Variants in LRRC4C observed in about 807,000 individuals in gnomAD.
LRRC4C encodes leucine rich repeat containing 4C.
Under a neutral mutation model 33.6 loss-of-function variants are expected in LRRC4C, and 5 were observed. That is an observed-to-expected ratio of 0.15 (90% confidence interval 0.08 to 0.31). The LOEUF is 0.31. LRRC4C is among the 10% of genes least tolerant of loss of function. LRRC4C has a pLI of 1.00. For missense variants in LRRC4C, 560 were observed against 796.7 expected (o/e 0.70, Z 3.58); for synonymous variants, 329 against 302.0 (o/e 1.09, Z -0.93).
chr11:40,319,760 T>C (rs1165107027), intron 3 of LRRC4C, 39 bp from the exon 4 acceptor site: 1 of 152,182 alleles, frequency 6.6e-6, no homozygotes. Flanking sequence ...TTTAAAATCA[T>C]GCTATACAAG....
chr11:40,965,701 G>T (rs1429615794), intron 1 of LRRC4C, among the ~76,000 whole-genome samples: 1 of 152,010 alleles, frequency 6.6e-6, no homozygotes, highest in African/African-American at 2.4e-5. Context: ...TTATTTATGA[G>T]GGTTCTGTTC....
intron 5 of LRRC4C, among the ~76,000 whole-genome samples, chr11:40,165,115 A>G (rs1351413429): frequency 6.6e-6 from 1 of 152,258 alleles, no homozygotes. Flanking sequence ...ATAGCATATG[A>G]AACAAATATG....
intron 5 of LRRC4C, among the ~76,000 whole-genome samples, chr11:40,194,688 G>A (rs978922703): frequency 2.6e-5 from 4 of 152,082 alleles, no homozygotes; most frequent in Non-Finnish European, 5.9e-5. Flanking sequence ...GTTGATGGGT[G>A]CAGCAAACCA....
At chr11:41,231,881 A>G (rs1300966288) in intron 1 of LRRC4C, among the ~76,000 whole-genome samples, 1 of 151,800 alleles carries the variant, frequency 6.6e-6, no homozygotes, top group Non-Finnish European at 1.5e-5. Flanking sequence ...TTTTGAATCC[A>G]TGGGTCTTTT....
intron 1 of LRRC4C, among the ~76,000 whole-genome samples, chr11:41,127,467 T>C (rs893347360): frequency 2.6e-5 from 4 of 152,128 alleles, no homozygotes; most frequent in East Asian, 1.9e-4. Flanking sequence ...GATTTTCTTT[T>C]CTTTTTTCTT....
chr11:40,229,431 T>A (rs1203359845), intron 5 of LRRC4C, among the ~76,000 whole-genome samples: 1 of 151,810 alleles, frequency 6.6e-6, no homozygotes, highest in East Asian at 1.9e-4. Flanking sequence ...TACCACCAGG[T>A]CTGGCTAATT....
chr11:41,061,395 T>G (rs868380908), intron 1 of LRRC4C, among the ~76,000 whole-genome samples: 27 of 151,698 alleles, frequency 1.8e-4, no homozygotes, highest in South Asian at 4.2e-4. Context: ...TGGAGAGGAG[T>G]GCTCTCTTTG....
intron 3 of LRRC4C, among the ~76,000 whole-genome samples, chr11:40,458,579 G>A (rs772993589): frequency 2.0e-5 from 3 of 152,016 alleles, no homozygotes; most frequent in Non-Finnish European, 4.4e-5. Context: ...TCTCTGTTCA[G>A]TTTCTCCTAA....
At chr11:41,048,795 A>G (rs1857987448) in intron 1 of LRRC4C, among the ~76,000 whole-genome samples, 1 of 152,164 alleles carries the variant, frequency 6.6e-6, no homozygotes, top group Non-Finnish European at 1.5e-5. Flanking sequence ...TGTGTTGGAC[A>G]CTATAACAGA....
chr11:40,257,952 C>T (rs1168473858), intron 4 of LRRC4C, among the ~76,000 whole-genome samples: 1 of 152,146 alleles, frequency 6.6e-6, no homozygotes, highest in Non-Finnish European at 1.5e-5. Flanking sequence ...TTGCTAACGG[C>T]TATAACAGGT....
intron 1 of LRRC4C, among the ~76,000 whole-genome samples, chr11:41,167,414 C>T (rs1944779619): frequency 6.6e-6 from 1 of 152,134 alleles, no homozygotes; most frequent in African/African-American, 2.4e-5. Context: ...CTGCCTCTGG[C>T]TCCAGCAGAT....
At position 41,360,562 on chromosome 11, in the gene LRRC4C, G is replaced by A. The variant is rs77278371; in HGVS notation, c.-496+98869C>T. Among the ~76,000 whole-genome samples, 523 of 152,254 alleles carry A rather than the reference G, an allele frequency of 3.4e-3. 2 individuals are homozygous for A. The highest frequency in any genetic ancestry group is 0.012 in the African/African-American group (483 of 41,548). ...ATAGATTGGGGGCCAGGATGAAGGA[G>A]GCTATAAAAGAGTTCCTTGAAGAAG... is the stretch of plus-strand genomic sequence containing the variant. On this transcript the variant is annotated intron_variant, in intron 1 of 6. Transcript: ENST00000528697.
chr11:40,454,435 A>C (rs1333654287), intron 3 of LRRC4C, among the ~76,000 whole-genome samples: 1 of 152,032 alleles, frequency 6.6e-6, no homozygotes, highest in Non-Finnish European at 1.5e-5. Flanking sequence ...TTTTAGAGTA[A>C]AACTCTGACA....
At chr11:40,153,638 T>A (rs1330631779) in intron 5 of LRRC4C, among the ~76,000 whole-genome samples, 3 of 148,370 alleles carry the variant, frequency 2.0e-5, no homozygotes, top group Non-Finnish European at 3.0e-5. Context: ...CTTTTAGAAA[T>A]GAAAAATGCT....
At chr11:40,664,824 C>A (rs533451358) in intron 2 of LRRC4C, among the ~76,000 whole-genome samples, 23 of 151,812 alleles carry the variant, frequency 1.5e-4, no homozygotes, top group Non-Finnish European at 3.2e-4. Flanking sequence ...GTGCACAACA[C>A]GCATGTTTTT....
intron 3 of LRRC4C, among the ~76,000 whole-genome samples, chr11:40,474,734 CAAGAA>C (rs1953121436): frequency 6.6e-6 from 1 of 152,066 alleles, no homozygotes; most frequent in African/African-American, 2.4e-5. Flanking sequence ...AACAAATTTA[CAAGAA>C]AACAACAAAC....
intron 2 of LRRC4C, among the ~76,000 whole-genome samples, chr11:40,805,542 T>G (rs1238387704): frequency 6.6e-6 from 1 of 152,178 alleles, no homozygotes; most frequent in African/African-American, 2.4e-5. Flanking sequence ...GATAGACATA[T>G]CTATACAAAA....
At chr11:41,295,988 A>T (rs975243929) in intron 1 of LRRC4C, among the ~76,000 whole-genome samples, 1 of 152,260 alleles carries the variant, frequency 6.6e-6, no homozygotes, top group Non-Finnish European at 1.5e-5. Context: ...GATATTTCCC[A>T]AAGCAATATG....
chr11:41,067,624 C>A (rs781214056), intron 1 of LRRC4C, among the ~76,000 whole-genome samples: 1 of 152,166 alleles, frequency 6.6e-6, no homozygotes, highest in Non-Finnish European at 1.5e-5. Flanking sequence ...CTTTTCAGTG[C>A]CGCATGGCAC....
Sources: gnomAD v4.1 joint callset for allele counts (sites outside exome capture counted in the v4.1 genomes callset) on GRCh38, gnomAD v4.1.1 for gene constraint, MANE v1.5 for transcripts, NCBI Gene and HGNC (gene_info 2026-07-23, HGNC 2026-07-21) for gene names.